Variants in WDR19 observed in about 807,000 individuals in gnomAD.
WDR19 encodes the protein WD repeat domain 19, also known as WD repeat-containing protein 19.
WDR19 carries 121 observed loss-of-function variants against 180.0 expected under a neutral mutation model. That is an observed-to-expected ratio of 0.67 (90% CI 0.58 to 0.78). The LOEUF is 0.78. Among genes scored for constraint, WDR19 ranks in the 30% least tolerant of loss-of-function variants. The pLI is 0.00. For synonymous variants in WDR19, 497 were observed against 540.7 expected (o/e 0.92, Z 1.12); for missense variants, 1,450 against 1,640.7 (o/e 0.88, Z 2.01).
intron 20 of WDR19, among the ~76,000 whole-genome samples, chr4:39,238,786 A>C (rs1731617911): frequency 6.6e-6 from 1 of 152,000 alleles, no homozygotes; most frequent in Non-Finnish European, 1.5e-5. Flanking sequence ...GGTAGATCTC[A>C]AATCATGCCA....
chr4:39,224,759 T>C, intron 14 of WDR19, 125 bp from the exon 15 acceptor site: 6 of 829,910 alleles, frequency 7.2e-6, no homozygotes, highest in Non-Finnish European at 1.1e-5. Context: ...TATTCTTAGA[T>C]ACTTCATCAA....
intron 32 of WDR19, chr4:39,274,068 C>T (rs1735659595): frequency 6.6e-6 from 1 of 152,202 alleles, no homozygotes; most frequent in African/African-American, 2.4e-5. Flanking sequence ...TGTTTGGACA[C>T]AAATGTTAAC....
chr4:39,220,529 T>TTC (rs1491491997), intron 14 of WDR19, among the ~76,000 whole-genome samples: 1 of 48,562 alleles, frequency 2.1e-5, no homozygotes, highest in Admixed American at 3.8e-4. Context: ...CTTCTTCTTC[T>TTC]TTTTTTTTTT....
chr4:39,227,665 G>T (rs1280233868), intron 15 of WDR19, among the ~76,000 whole-genome samples: 1 of 152,078 alleles, frequency 6.6e-6, no homozygotes, highest in Non-Finnish European at 1.5e-5. Flanking sequence ...GCCATCTGTG[G>T]GTTTTGCTAT....
intron 34 of WDR19, 98 bp downstream of exon 34, chr4:39,277,241 A>G: frequency 7.5e-7 from 1 of 1,326,166 alleles, no homozygotes; most frequent in South Asian, 1.6e-5. Flanking sequence ...TTTTAAAATA[A>G]TCTTATCCCT....
chr4:39,215,581 G>C (rs780258301), intron 10 of WDR19, among the ~76,000 whole-genome samples: 2 of 152,052 alleles, frequency 1.3e-5, no homozygotes, highest in Non-Finnish European at 2.9e-5. Flanking sequence ...GTCACCTAAT[G>C]ACAGATTTCT....
At position 39,241,574 on chromosome 4, in the gene WDR19, C is replaced by T. The variant is rs75983201; in HGVS notation, c.2421+1240C>T. Among the ~76,000 whole-genome samples the T allele has an allele frequency of 5.3e-5, 8 of 151,144 alleles. No individual in the cohort carries two copies. The East Asian group carries it at 1.4e-3, about 26-fold the overall frequency. On this transcript the variant is annotated intron_variant, in intron 21 of 36. Transcript: ENST00000399820. ...CCCCAGCACTTTGGGAGGCTGAGGC[C>T]GGTGGATCACTTTAGGTCAGGAGAC...
intron 17 of WDR19, among the ~76,000 whole-genome samples, chr4:39,230,032 G>A (rs915882388): frequency 6.6e-6 from 1 of 152,142 alleles, no homozygotes; most frequent in Non-Finnish European, 1.5e-5. Context: ...CAATAGCCTT[G>A]TAACGATCTC....
intron 28 of WDR19, among the ~76,000 whole-genome samples, chr4:39,258,167 T>TC (rs1180396267): frequency 2.0e-5 from 3 of 151,964 alleles, no homozygotes; most frequent in Non-Finnish European, 4.4e-5. Flanking sequence ...ATTCTTTTTT[T>TC]TTTGAGACAG....
chr4:39,199,103 T>C (rs1428332492), intron 5 of WDR19, among the ~76,000 whole-genome samples: 1 of 151,928 alleles, frequency 6.6e-6, no homozygotes, highest in African/African-American at 2.4e-5. Context: ...GAAGCAGAGG[T>C]TGCAGTGAGC....
chr4:39,247,366 A>G (rs1317213006), intron 24 of WDR19, among the ~76,000 whole-genome samples: 1 of 152,200 alleles, frequency 6.6e-6, no homozygotes, highest in Non-Finnish European at 1.5e-5. Context: ...AGTCACCATC[A>G]TCAAAGACCA....
rs1035768119 is a variant in WDR19 at position 39,277,111 on chromosome 4, T to A, written c.3808T>A (p.Cys1270Ser). 6.2e-7 allele frequency: 1 copy of A among 1,613,312 alleles called. No individual in the cohort carries two copies. The highest frequency in any genetic ancestry group is 1.3e-5 in the African/African-American group (1 of 74,920). Residue 1270 changes from cysteine (C) to serine (S), a missense_variant, in exon 34 of 37, where the codon TGT becomes AGT. Physicochemically the swap from Cys to Ser is moderately radical, Grantham distance 112. Coordinates refer to ENST00000399820, the MANE Select transcript of WDR19 (RefSeq NM_025132.4). ...AGAGTGTGAACTCCTCTGTCCTGGA[T>A]GTAAAAACAGTATCCCATATTGCAT... Reference protein sequence around the residue: ...LPECELLCPGCKNSIPYCIAT... With the variant: ...LPECELLCPGSKNSIPYCIAT...
intron 28 of WDR19, 54 bp downstream of exon 28, chr4:39,257,608 T>C: frequency 2.0e-6 from 3 of 1,507,164 alleles, no homozygotes; most frequent in South Asian, 2.5e-5. Flanking sequence ...AAAAAACTTC[T>C]TGAAAAAAAT....
At chr4:39,278,009 G>A (rs963928480) in intron 34 of WDR19, 122 bp from the exon 35 acceptor site, 8 of 780,156 alleles carry the variant, frequency 1.0e-5, no homozygotes, top group East Asian at 8.3e-5. Context: ...AGCCAACAAT[G>A]TGCCACTGCA....
intron 9 of WDR19, among the ~76,000 whole-genome samples, chr4:39,212,935 T>C (rs901073955): frequency 6.6e-6 from 1 of 151,950 alleles, no homozygotes; most frequent in Non-Finnish European, 1.5e-5. Context: ...TATTAGAAAA[T>C]AGGCAAAAGA....
At chr4:39,224,618 G>A (rs573708447) in intron 14 of WDR19, among the ~76,000 whole-genome samples, 14 of 152,000 alleles carry the variant, frequency 9.2e-5, no homozygotes, top group Non-Finnish European at 1.8e-4. Context: ...GGCTGGTCTC[G>A]AATTCCTTAC....
At chr4:39,213,821 G>A (rs1728779225) in intron 9 of WDR19, among the ~76,000 whole-genome samples, 1 of 152,154 alleles carries the variant, frequency 6.6e-6, no homozygotes, top group Non-Finnish European at 1.5e-5. Context: ...TTATACTATA[G>A]TGTTTCAAGA....
intron 23 of WDR19, 113 bp downstream of exon 23, chr4:39,244,665 C>G: frequency 9.5e-7 from 1 of 1,050,588 alleles, no homozygotes; most frequent in African/African-American, 1.6e-5. Context: ...GTTCCCCTAT[C>G]TAGACCTACC....
intron 9 of WDR19, 163 bp downstream of exon 9, chr4:39,205,899 C>A: frequency 1.5e-6 from 1 of 668,638 alleles, no homozygotes. Flanking sequence ...AAATATAAAA[C>A]AAAGTATAGT....
Sources: allele counts gnomAD v4.1 joint callset (sites outside exome capture counted in the v4.1 genomes callset), GRCh38; gene constraint gnomAD v4.1.1; transcripts MANE v1.5; gene names NCBI Gene and HGNC (gene_info 2026-07-23, HGNC 2026-07-21).